RNF111: variants seen among roughly 807,000 people sequenced by gnomAD.
The protein encoded by RNF111 is ring finger protein 111.
In RNF111, 17 loss-of-function variants were observed where a neutral mutation model predicts 95.1. The observed-to-expected ratio is 0.18, with a 90% CI of 0.12 to 0.27. RNF111 has a LOEUF of 0.27. Ranked by LOEUF, RNF111 falls within the 10% of genes least tolerant of loss-of-function variation. The pLI is 1.00. For missense variants in RNF111, 1,189 were observed against 1,210.4 expected, an observed-to-expected ratio of 0.98 and a Z score of 0.26; for synonymous variants, 440 against 414.8, an observed-to-expected ratio of 1.06 and a Z score of -0.74.
intron 13 of RNF111, 133 bp downstream of exon 13, chr15:59,092,773 C>G (rs1485361637): frequency 2.4e-6 from 2 of 846,936 alleles, no homozygotes; most frequent in East Asian, 2.9e-5. Context: ...GCCAGAGGCT[C>G]TCTTGAGGCC....
At chr15:59,063,920 A>G (rs1450266738) in intron 5 of RNF111, among the ~76,000 whole-genome samples, 3 of 152,130 alleles carry the variant, frequency 2.0e-5, no homozygotes, top group Non-Finnish European at 2.9e-5. Flanking sequence ...AAGGTTTTCA[A>G]CCTTTTTTTC....
At chr15:59,092,973 G>A (rs2079093617) in intron 13 of RNF111, among the ~76,000 whole-genome samples, 1 of 152,164 alleles carries the variant, frequency 6.6e-6, no homozygotes, top group Non-Finnish European at 1.5e-5. Context: ...CTGCACTCCA[G>A]CCTGGGCAAT....
Position 59,012,304 on chromosome 15 carries a change from C to T in RNF111, c.-19-18500C>T, listed in dbSNP as rs565751333. 3.3e-5 allele frequency among the ~76,000 whole-genome samples: 5 copies of T among 152,196 alleles called. No individual in the cohort carries two copies. The South Asian group carries it at 1.0e-3, about 32-fold the overall frequency. ...AAAATGTTGAGATTACAGGCGTGAGCCACTGCACCTGGCCTGCTGTTCTGT... is the reference window on the plus strand; with the variant it reads ...AAAATGTTGAGATTACAGGCGTGAGTCACTGCACCTGGCCTGCTGTTCTGT... On this transcript the variant is annotated intron_variant, in intron 1 of 13. Transcript: ENST00000348370.
chr15:59,030,894 T>A lies in RNF111; in HGVS notation c.72T>A (p.Ser24=), dbSNP rs1195802738. Residue 24 remains serine, a synonymous_variant, in exon 2 of 14, where the codon TCT becomes TCA. Transcript: ENST00000348370. ...LKVDMKSEIP[S]DAPKTQESLK... Reference sequence around the variant, plus strand: ...TGGATATGAAGAGTGAGATTCCTTCTGATGCACCAAAGACACAGGAGAGTC... The same window carrying A: ...TGGATATGAAGAGTGAGATTCCTTCAGATGCACCAAAGACACAGGAGAGTC... 1.2e-6 allele frequency: 2 copies of A among 1,614,116 alleles called. No individual in the cohort carries two copies. Among genetic ancestry groups the A allele is most frequent in the Admixed American group, 3.3e-5 (2 of 60,010 alleles).
At chr15:59,092,685 A>G (rs749966517) in intron 13 of RNF111, 45 bp downstream of exon 13, 57 of 1,529,886 alleles carry the variant, frequency 3.7e-5, no homozygotes, top group East Asian at 4.9e-5. Context: ...AAAACTGTAC[A>G]TGGGATTTTA....
intron 2 of RNF111, among the ~76,000 whole-genome samples, chr15:59,042,828 T>C (rs866184981): frequency 2.6e-5 from 4 of 152,244 alleles, no homozygotes; most frequent in African/African-American, 7.2e-5. Flanking sequence ...ATAAAATCTT[T>C]AATGTTTTCC....
chr15:59,000,642 G>T (rs531352240), intron 1 of RNF111, among the ~76,000 whole-genome samples: 2 of 151,352 alleles, frequency 1.3e-5, no homozygotes, highest in Middle Eastern at 3.4e-3. Flanking sequence ...CTGGGAGGCA[G>T]ATGTTTCAGT....
chr15:59,075,004 CAT>C (rs1299849804), intron 6 of RNF111, among the ~76,000 whole-genome samples: 9 of 152,224 alleles, frequency 5.9e-5, no homozygotes, highest in African/African-American at 2.2e-4. Flanking sequence ...TCAGGACACA[CAT>C]GTTTATCTGT....
In RNF111 at chr15:59,076,978, C is replaced by T. The variant is rs554155327; in HGVS notation, c.1948+763C>T. ...TCTTCTTGGATTTTTTCTTCTACTC[C>T]AGTCATTTAAAAAAATCTGCATCGT... On this transcript the variant is annotated intron_variant, in intron 7 of 13. Coordinates refer to ENST00000348370, the MANE Select transcript of RNF111 (RefSeq NM_017610.8). 5.2e-4 allele frequency among the ~76,000 whole-genome samples: 79 copies of T among 152,232 alleles called. 1 individual carries two copies. Among genetic ancestry groups the T allele is most frequent in the African/African-American group, 1.8e-3 (75 of 41,540 alleles).
chr15:59,059,175 G>C (rs533584645), intron 5 of RNF111, among the ~76,000 whole-genome samples: 2 of 152,004 alleles, frequency 1.3e-5, no homozygotes, highest in Non-Finnish European at 2.9e-5. Flanking sequence ...CCAACAGAAA[G>C]ACAACCCAAT....
intron 1 of RNF111, among the ~76,000 whole-genome samples, chr15:59,008,467 G>A (rs749400348): frequency 2.0e-5 from 3 of 152,078 alleles, no homozygotes; most frequent in Non-Finnish European, 4.4e-5. Flanking sequence ...ATCCTCCTGC[G>A]TCAGCCTCCC....
rs772256288 is a variant in RNF111, at chr15:59,052,325, G to A, written c.901G>A (p.Val301Met). 9.4e-6 allele frequency: 15 copies of A among 1,596,208 alleles called. No individual in the cohort carries two copies. The highest frequency in any genetic ancestry group is 1.3e-5 in the Non-Finnish European group (15 of 1,172,868). ...TCCAGGAAGTATTGATGAAGATGTTGTGGTGATAGAAGCTTCCTCCACTCC... is the reference window on the plus strand; with the variant it reads ...TCCAGGAAGTATTGATGAAGATGTTATGGTGATAGAAGCTTCCTCCACTCC... ...VPSGSIDEDV[V>M]VIEASSTPQV... The change falls in exon 3 of 14, where the codon GTG becomes ATG. Residue 301 changes from valine (V) to methionine (M), a missense_variant. Physicochemically the swap from Val to Met is conservative, Grantham distance 21. Coordinates refer to ENST00000348370, the MANE Select transcript of RNF111 (RefSeq NM_017610.8).
intron 1 of RNF111, among the ~76,000 whole-genome samples, chr15:59,025,981 T>C (rs1365833817): frequency 3.9e-5 from 6 of 151,976 alleles, no homozygotes; most frequent in Middle Eastern, 3.4e-3. Flanking sequence ...CTGCCTGCCT[T>C]AGCCGCCCAA....
intron 7 of RNF111, among the ~76,000 whole-genome samples, chr15:59,077,973 G>T (rs1005525823): frequency 6.6e-6 from 1 of 152,168 alleles, no homozygotes; most frequent in Non-Finnish European, 1.5e-5. Flanking sequence ...TTTAGTTCAC[G>T]TGTGAAACAT....
rs1319630789 is a variant in RNF111, at chr15:59,096,445, ATTAG to A, written c.*1548_*1551del. On this transcript the variant is annotated 3_prime_UTR_variant, in exon 14 of 14. Transcript: ENST00000348370. ...ATTTCTATTGTCTTTGTGTTTCATA[ATTAG>A]TTTTTATAAAAACAGTTTACATTAA... 1.1e-5 allele frequency: 2 copies of A among 179,010 alleles called. No homozygotes were observed. Among genetic ancestry groups the A allele is most frequent in the African/African-American group, 4.7e-5 (2 of 42,658 alleles). 11.1% of individuals were successfully genotyped at this position (179,010 alleles called of 1,614,324 possible).
intron 1 of RNF111, among the ~76,000 whole-genome samples, chr15:59,011,311 G>T (rs1301167905): frequency 6.6e-6 from 1 of 152,094 alleles, no homozygotes; most frequent in Admixed American, 6.5e-5. Context: ...ACTGCATTTT[G>T]ATTACCTAGT....
In RNF111 at chr15:58,987,823, G is replaced by A. The variant is rs1456034894; in HGVS notation, c.-265G>A. On this transcript the variant is annotated 5_prime_UTR_variant, in exon 1 of 14. In the 5' UTR this introduces an upstream ATG that the reference lacks. Coordinates refer to ENST00000348370, the MANE Select transcript of RNF111 (RefSeq NM_017610.8). ...CCGCAGCTTCAGAGAAGGAGTTCTT[G>A]TGGGACCAAATTAGGCATTCTGAAC... The A allele has an allele frequency of 1.3e-5, 2 of 155,500 alleles. No homozygotes were observed. The highest frequency in any genetic ancestry group is 1.4e-5 in the Non-Finnish European group (1 of 69,648). 9.6% of individuals were successfully genotyped at this position (155,500 alleles called of 1,614,324 possible).
chr15:59,052,538 C>A (rs1342048416), intron 3 of RNF111, 107 bp downstream of exon 3: 1 of 824,354 alleles, frequency 1.2e-6, no homozygotes, highest in Admixed American at 3.8e-5. Context: ...TTTTGAGACC[C>A]AGTTTGAGTA....
chr15:59,057,414 A>T (rs2042242231), intron 4 of RNF111, among the ~76,000 whole-genome samples: 1 of 152,226 alleles, frequency 6.6e-6, no homozygotes, highest in African/African-American at 2.4e-5. Flanking sequence ...ATTTGTGCCT[A>T]AGGAATTAGC....
Sources: gnomAD v4.1 joint callset for allele counts (sites outside exome capture counted in the v4.1 genomes callset) on GRCh38, gnomAD v4.1.1 for gene constraint, MANE v1.5 for transcripts, NCBI Gene and HGNC (gene_info 2026-07-23, HGNC 2026-07-21) for gene names.